NUP98: variants seen among roughly 807,000 people sequenced by gnomAD.
The protein encoded by NUP98 is nuclear pore complex protein Nup98-Nup96.
In NUP98, 26 loss-of-function variants were observed where a neutral mutation model predicts 191.9. The observed-to-expected ratio is 0.14, with a 90% CI of 0.10 to 0.19. The LOEUF (loss-of-function observed/expected upper bound fraction) is 0.19, where lower values mean the gene tolerates loss of function less well. Ranked by LOEUF, NUP98 falls within the 10% of genes least tolerant of loss-of-function variation. NUP98 has a pLI of 1.00. For synonymous variants in NUP98, 808 were observed against 778.4 expected (o/e 1.04, Z -0.63); for missense variants, 1,941 against 2,178.8 (o/e 0.89, Z 2.17).
intron 24 of NUP98, among the ~76,000 whole-genome samples, chr11:3,700,278 A>G (rs903793804): frequency 9.2e-5 from 14 of 151,786 alleles, no homozygotes; most frequent in African/African-American, 3.4e-4. Flanking sequence ...CAAAAAAAAA[A>G]AAAAAAAAAA....
chr11:3,743,972 T>C (rs943863777), intron 12 of NUP98, among the ~76,000 whole-genome samples: 1 of 151,926 alleles, frequency 6.6e-6, no homozygotes, highest in Admixed American at 6.6e-5. Flanking sequence ...GGCAGAAGAA[T>C]CACTTGAACC....
intron 12 of NUP98, among the ~76,000 whole-genome samples, chr11:3,741,017 T>C (rs1419166133): frequency 6.6e-6 from 1 of 151,702 alleles, no homozygotes; most frequent in Non-Finnish European, 1.5e-5. Flanking sequence ...TCATGGGGTT[T>C]TGCCATGTTG....
At chr11:3,696,518 A>G (rs1317617558) in intron 25 of NUP98, among the ~76,000 whole-genome samples, 8 of 150,124 alleles carry the variant, frequency 5.3e-5, no homozygotes, top group Middle Eastern at 7.0e-3. Context: ...GGGGGGAGGG[A>G]AAAAAAAAGG....
At chr11:3,738,440 A>G (rs921184302) in intron 12 of NUP98, among the ~76,000 whole-genome samples, 1 of 152,230 alleles carries the variant, frequency 6.6e-6, no homozygotes, top group Non-Finnish European at 1.5e-5. Flanking sequence ...ATGAAACACA[A>G]GAATCTGATG....
intron 10 of NUP98, among the ~76,000 whole-genome samples, chr11:3,759,741 T>C (rs748620574): frequency 3.9e-5 from 6 of 152,208 alleles, no homozygotes; most frequent in Non-Finnish European, 1.5e-5. Flanking sequence ...ATATACATAC[T>C]ATGAACATGC....
intron 11 of NUP98, among the ~76,000 whole-genome samples, chr11:3,748,105 T>G (rs1589868235): frequency 6.6e-6 from 1 of 152,108 alleles, no homozygotes; most frequent in African/African-American, 2.4e-5. Flanking sequence ...AGAGAACTGT[T>G]GAAGAAAAAC....
chr11:3,754,569 C>T (rs574457445), intron 10 of NUP98, among the ~76,000 whole-genome samples: 3 of 152,154 alleles, frequency 2.0e-5, no homozygotes, highest in East Asian at 1.9e-4. Flanking sequence ...AGGATAGTAA[C>T]GTGTAGCTGA....
Position 3,778,217 on chromosome 11 carries a change from A to G in NUP98, c.355+656T>C, listed in dbSNP as rs559658401. 3.7e-3 allele frequency among the ~76,000 whole-genome samples: 551 copies of G among 150,538 alleles called. 1 individual carries two copies. The highest frequency in any genetic ancestry group is 0.012 in the African/African-American group (482 of 40,530). On this transcript the variant is annotated intron_variant, in intron 4 of 32. Transcript: ENST00000324932. Reference sequence around the variant, plus strand: ...CCATCTCAAAAAAAAAAAAAAAAAAAAAAGAAAGAAAGAAAATACTGATGG... The same window carrying G: ...CCATCTCAAAAAAAAAAAAAAAAAAGAAAGAAAGAAAGAAAATACTGATGG...
At chr11:3,685,702 CAG>C (rs2078114023) in intron 29 of NUP98, among the ~76,000 whole-genome samples, 1 of 152,164 alleles carries the variant, frequency 6.6e-6, no homozygotes, top group Non-Finnish European at 1.5e-5. Context: ...ATGCAGTTCA[CAG>C]AGATCTTTTT....
At chr11:3,704,794 C>A (rs4910639) in intron 22 of NUP98, among the ~76,000 whole-genome samples, 12,576 of 152,176 alleles carry the variant, frequency 0.083, 681 homozygotes, top group Middle Eastern at 0.12. Context: ...TCAGTTGAGG[C>A]CAGAAGTTCA....
Position 3,675,997 on chromosome 11 carries a change from G to T in NUP98, c.*162C>A. The stretch of plus-strand genomic sequence containing the variant: ...GCCCTTATGCTACGTTCAGTATTAA[G>T]AAAAGCCCTGAACAAGTGGAGGATG... On this transcript the variant is annotated 3_prime_UTR_variant, in exon 33 of 33. Coordinates refer to ENST00000324932, the MANE Select transcript of NUP98 (RefSeq NM_016320.5). The T allele has an allele frequency of 1.5e-6, 1 of 647,012 alleles. No homozygotes were observed. The highest frequency in any genetic ancestry group is 2.7e-5 in the Admixed American group (1 of 36,492). The allele number at this position is 647,012 out of a possible 1,614,324, so 40.1% of individuals were successfully genotyped here. A position where few individuals can be genotyped will look rare whatever the true frequency, so the allele number is the denominator to read the frequency against.
intron 11 of NUP98, among the ~76,000 whole-genome samples, chr11:3,750,897 A>C (rs1160935288): frequency 6.6e-6 from 1 of 152,098 alleles, no homozygotes; most frequent in Non-Finnish European, 1.5e-5. Context: ...AGGCCTCCCA[A>C]AGTGCTGGGA....
chr11:3,713,722 A>G, intron 19 of NUP98, 96 bp downstream of exon 19: 1 of 1,166,902 alleles, frequency 8.6e-7, no homozygotes, highest in Non-Finnish European at 1.2e-6. Context: ...CCCATCAATC[A>G]ATCAATAGAA....
At chr11:3,742,136 G>T (rs142462059) in intron 12 of NUP98, among the ~76,000 whole-genome samples, 34 of 152,276 alleles carry the variant, frequency 2.2e-4, no homozygotes, top group African/African-American at 8.2e-4. Context: ...AGGTAGCAGA[G>T]AATGAAGTAA....
rs200146983 is a variant in NUP98, at chr11:3,779,067, G to C, written c.179-18C>G. ...CAATCCTCCTGAGGAGATGGAGAAG[G>C]AGGGAAAAAGTTAAGTACATCAGAG... On this transcript the variant is annotated intron_variant, in intron 3 of 32. Coordinates refer to ENST00000324932, the MANE Select transcript of NUP98 (RefSeq NM_016320.5). The C allele has an allele frequency of 1.2e-6, 2 of 1,613,856 alleles. No individual in the cohort carries two copies. The highest frequency in any genetic ancestry group is 1.7e-6 in the Non-Finnish European group (2 of 1,179,930).
intron 18 of NUP98, among the ~76,000 whole-genome samples, chr11:3,716,408 A>G (rs1463842923): frequency 6.6e-6 from 1 of 151,122 alleles, no homozygotes; most frequent in African/African-American, 2.4e-5. Flanking sequence ...TTTATACCTT[A>G]CTGAAAATCA....
chr11:3,764,082 T>C (rs887806034), intron 8 of NUP98, among the ~76,000 whole-genome samples: 4 of 152,168 alleles, frequency 2.6e-5, no homozygotes, highest in African/African-American at 9.7e-5. Context: ...TCTAAATTCT[T>C]ACACCCCCCA....
At chr11:3,776,661 T>C (rs987410904) in intron 4 of NUP98, among the ~76,000 whole-genome samples, 7 of 138,632 alleles carry the variant, frequency 5.0e-5, no homozygotes, top group Non-Finnish European at 9.3e-5. Context: ...ATTTTTTGTA[T>C]TTTTTTTTTT....
At chr11:3,726,504 C>T (rs2079623420) in intron 14 of NUP98, among the ~76,000 whole-genome samples, 1 of 148,468 alleles carries the variant, frequency 6.7e-6, no homozygotes, top group South Asian at 2.1e-4. Flanking sequence ...AAGTAGGTGT[C>T]CCTATAGACG....
Sources: gnomAD v4.1 joint callset for allele counts (sites outside exome capture counted in the v4.1 genomes callset) on GRCh38, gnomAD v4.1.1 for gene constraint, MANE v1.5 for transcripts, NCBI Gene and HGNC (gene_info 2026-07-23, HGNC 2026-07-21) for gene names.